Variants in DGKB observed in about 807,000 individuals in gnomAD.
DGKB encodes diacylglycerol kinase beta, also known as 90 kDa diacylglycerol kinase.
DGKB carries 67 observed loss-of-function variants against 114.3 expected under a neutral mutation model. The observed-to-expected ratio is 0.59, with a 90% CI of 0.48 to 0.72. The LOEUF is 0.72. DGKB is among the 30% of genes least tolerant of loss of function. DGKB has a pLI of 0.00. For missense variants in DGKB, 907 were observed against 975.2 expected, an observed-to-expected ratio of 0.93 and a Z score of 0.93; for synonymous variants, 398 against 323.1, an observed-to-expected ratio of 1.23 and a Z score of -2.49.
At chr7:14,673,905 G>A (rs1417899742) in intron 12 of DGKB, among the ~76,000 whole-genome samples, 1 of 151,974 alleles carries the variant, frequency 6.6e-6, no homozygotes, top group Non-Finnish European at 1.5e-5. Context: ...AAGATAACAT[G>A]TTATGTTCAA....
rs143182262 is a variant in DGKB, at chr7:14,492,224, A to G, written c.1771-13999T>C. ...CCCAAAACAGGGCTATAACTAGTCT[A>G]TTGAGGACTTTCCTATGGGCAGTAG... On this transcript the variant is annotated intron_variant, in intron 20 of 25. Transcript: ENST00000402815. Among the ~76,000 whole-genome samples, 123 of 152,144 alleles carry G rather than the reference A, an allele frequency of 8.1e-4. 1 individual carries two copies. In the East Asian group the frequency reaches 0.016, roughly 19 times the overall value.
At chr7:14,712,293 T>C (rs949257409) in intron 6 of DGKB, among the ~76,000 whole-genome samples, 21 of 152,162 alleles carry the variant, frequency 1.4e-4, no homozygotes, top group African/African-American at 4.3e-4. Context: ...CCAAATAATA[T>C]TGGTTCTAGA....
At chr7:14,653,171 C>T (rs938890242) in intron 13 of DGKB, among the ~76,000 whole-genome samples, 3 of 148,890 alleles carry the variant, frequency 2.0e-5, no homozygotes, top group South Asian at 2.2e-4. Context: ...ACCCAAAGGA[C>T]TATAAATCAT....
At chr7:14,180,767 TCAGA>T (rs1463440606) in intron 23 of DGKB, among the ~76,000 whole-genome samples, 11 of 152,202 alleles carry the variant, frequency 7.2e-5, no homozygotes, top group African/African-American at 2.7e-4. Flanking sequence ...CTGATTGATT[TCAGA>T]CAGAGAGAGT....
chr7:14,869,590 T>C (rs1852169084), intron 1 of DGKB, among the ~76,000 whole-genome samples: 1 of 152,306 alleles, frequency 6.6e-6, no homozygotes, highest in African/African-American at 2.4e-5. Flanking sequence ...TAAAATGAAA[T>C]ATAATCAATC....
intron 1 of DGKB, among the ~76,000 whole-genome samples, chr7:14,916,758 C>A (rs1784257223): frequency 6.6e-6 from 1 of 152,006 alleles, no homozygotes; most frequent in Admixed American, 6.6e-5. Flanking sequence ...TGTAAGGATA[C>A]AATTGAACTG....
At chr7:14,194,692 C>T (rs191251125) in intron 23 of DGKB, among the ~76,000 whole-genome samples, 39 of 152,042 alleles carry the variant, frequency 2.6e-4, no homozygotes, top group African/African-American at 8.9e-4. Flanking sequence ...CACAGAAATA[C>T]ATATATATTC....
At chr7:14,551,840 T>C (rs758806258) in intron 20 of DGKB, among the ~76,000 whole-genome samples, 7 of 152,160 alleles carry the variant, frequency 4.6e-5, no homozygotes, top group African/African-American at 7.2e-5. Flanking sequence ...TTTATTATGG[T>C]TGAAACACTA....
chr7:14,302,797 G>A (rs1410275372), intron 23 of DGKB, among the ~76,000 whole-genome samples: 2 of 152,082 alleles, frequency 1.3e-5, no homozygotes, highest in African/African-American at 4.8e-5. Context: ...GAAAGCAGAT[G>A]ATGACATTTG....
rs554143779 is a variant in DGKB at position 14,533,777 on chromosome 7, T to C, written c.1770+40435A>G. On this transcript the variant is annotated intron_variant, in intron 20 of 25. Coordinates refer to ENST00000402815, the MANE Select transcript of DGKB (RefSeq NM_001350709.2). Reference sequence around the variant, plus strand: ...AGCGGGTGGAGTGATACATTCAAAGTACTGAAAGCAAAAAATTGTCAACCA... The same window carrying C: ...AGCGGGTGGAGTGATACATTCAAAGCACTGAAAGCAAAAAATTGTCAACCA... 7.9e-5 allele frequency among the ~76,000 whole-genome samples: 12 copies of C among 152,050 alleles called. No homozygotes were observed. The South Asian group carries it at 1.0e-3, about 13-fold the overall frequency.
intron 21 of DGKB, among the ~76,000 whole-genome samples, chr7:14,450,488 C>T (rs993624564): frequency 6.6e-6 from 1 of 152,044 alleles, no homozygotes; most frequent in Non-Finnish European, 1.5e-5. Flanking sequence ...CAAAGCCCTA[C>T]AGTGGCTGAG....
intron 25 of DGKB, among the ~76,000 whole-genome samples, chr7:14,155,012 C>G (rs1782790637): frequency 6.6e-6 from 1 of 151,952 alleles, no homozygotes; most frequent in Non-Finnish European, 1.5e-5. Context: ...ATGCAGACTC[C>G]CCGGTCCCAC....
At chr7:14,596,851 C>T (rs865839459) in intron 17 of DGKB, among the ~76,000 whole-genome samples, 1 of 152,168 alleles carries the variant, frequency 6.6e-6, no homozygotes, top group East Asian at 1.9e-4. Context: ...ACTGAGCTGG[C>T]TTAACTAACA....
chr7:14,210,967 T>C lies in DGKB; in HGVS notation c.2123-32816A>G, dbSNP rs141302283. 7.6e-3 allele frequency among the ~76,000 whole-genome samples: 1,160 copies of C among 152,150 alleles called. 14 individuals are homozygous for C. The highest frequency in any genetic ancestry group is 0.027 in the African/African-American group (1,118 of 41,540). ...TATCCTTGCCATCTGAATATATTGA[T>C]CCACTTGCAATCCTCTTCAAAGAAA... On this transcript the variant is annotated intron_variant, in intron 23 of 25. Transcript: ENST00000402815.
intron 21 of DGKB, among the ~76,000 whole-genome samples, chr7:14,379,511 C>A (rs1470402546): frequency 2.0e-5 from 3 of 151,610 alleles, no homozygotes; most frequent in Non-Finnish European, 2.9e-5. Flanking sequence ...GTCTAGTAAC[C>A]CCTTAGTGGA....
chr7:14,620,721 T>G (rs556481541), intron 15 of DGKB, among the ~76,000 whole-genome samples: 1 of 151,900 alleles, frequency 6.6e-6, no homozygotes, highest in South Asian at 2.1e-4. Flanking sequence ...GGTAAGTAAA[T>G]GTTATACATT....
intron 23 of DGKB, among the ~76,000 whole-genome samples, chr7:14,249,556 T>A (rs1192449278): frequency 1.3e-5 from 2 of 152,198 alleles, no homozygotes; most frequent in Non-Finnish European, 2.9e-5. Flanking sequence ...TACTTTATCA[T>A]TTAGTTTTGG....
At chr7:14,455,211 A>G (rs925215641) in intron 21 of DGKB, among the ~76,000 whole-genome samples, 55 of 152,048 alleles carry the variant, frequency 3.6e-4, no homozygotes, top group African/African-American at 1.3e-3. Flanking sequence ...CATAACTTCA[A>G]TATGAATTTT....
intron 23 of DGKB, among the ~76,000 whole-genome samples, chr7:14,210,040 C>T (rs558106284): frequency 6.6e-6 from 1 of 152,076 alleles, no homozygotes; most frequent in South Asian, 2.1e-4. Flanking sequence ...AAATGTTATA[C>T]ATACAAAGTG....
Sources: allele counts gnomAD v4.1 joint callset (sites outside exome capture counted in the v4.1 genomes callset), GRCh38; gene constraint gnomAD v4.1.1; transcripts MANE v1.5; gene names NCBI Gene and HGNC (gene_info 2026-07-23, HGNC 2026-07-21).